C4orf54: variants seen among roughly 807,000 people sequenced by gnomAD.
The protein encoded by C4orf54 is chromosome 4 open reading frame 54, also known as uncharacterized protein C4orf54.
A neutral mutation model predicts 80.1 loss-of-function variants in C4orf54; 67 were observed. That is an observed-to-expected ratio of 0.84 (90% CI 0.69 to 1.03). C4orf54 has a LOEUF of 1.03. C4orf54 is among the 50% of genes least tolerant of loss of function. C4orf54 has a pLI of 0.00. For synonymous variants in C4orf54, 1,000 were observed against 917.0 expected (o/e 1.09, Z -1.64); for missense variants, 2,434 against 2,253.5 (o/e 1.08, Z -1.62).
Position 99,652,459 on chromosome 4 carries a change from A to C in C4orf54, c.2190T>G (p.His730Gln), listed in dbSNP as rs1578275640. 2 of 1,535,794 alleles carry C rather than the reference A, an allele frequency of 1.3e-6. No individual in the cohort carries two copies. Among genetic ancestry groups the C allele is most frequent in the Non-Finnish European group, 1.7e-6 (2 of 1,146,792 alleles). ...VVSKVEGEIK[H>Q]VETPLCFQKQ... ...TCTGGAAACACAGGGGCGTCTCCAC[A>C]TGTTTGATTTCCCCCTCGACTTTGC... is the stretch of plus-strand genomic sequence containing the variant. Residue 730 changes from histidine to glutamine, a missense_variant, in exon 2 of 3, where the codon CAT becomes CAG. By Grantham distance (24) the His-to-Gln change is conservative. Coordinates refer to ENST00000511828, the MANE Select transcript of C4orf54 (RefSeq NM_001354435.2).
Position 99,652,417 on chromosome 4 carries a change from G to C in C4orf54, c.2232C>G (p.Gly744=), listed in dbSNP as rs892115081. ...PLCFQKQVQT[G]SRVVTLLEPL... is the part of the protein sequence containing the mutation. ...GCTCCAAAAGGGTGACGACGCGGGAGCCCGTCTGGACCTGCTTCTGGAAAC... is the reference window on the plus strand; with the variant it reads ...GCTCCAAAAGGGTGACGACGCGGGACCCCGTCTGGACCTGCTTCTGGAAAC... Residue 744 remains glycine, a synonymous_variant, in exon 2 of 3, where the codon GGC becomes GGG. Coordinates refer to ENST00000511828, the MANE Select transcript of C4orf54 (RefSeq NM_001354435.2). 5 of 1,535,988 alleles carry C rather than the reference G, an allele frequency of 3.3e-6. No individual in the cohort carries two copies. In the Admixed American group the frequency reaches 7.8e-5, roughly 24 times the overall value.
Position 99,649,369 on chromosome 4 carries a change from G to T in C4orf54, c.5280C>A (p.Gly1760=). 1 of 1,536,150 alleles carries T rather than the reference G, an allele frequency of 6.5e-7. No homozygotes were observed. Among genetic ancestry groups the T allele is most frequent in the Non-Finnish European group, 8.7e-7 (1 of 1,146,914 alleles). Residue 1760 remains glycine (G), a synonymous_variant, in exon 2 of 3, where the codon GGC becomes GGA. Transcript: ENST00000511828. The part of the protein sequence containing the change: ...LGAKAFAQLH[G]KPVISITSQP... ...GCGAAGTAATGCTGATGACAGGCTT[G>T]CCATGCAGCTGGGCAAAGGCCTTGG...
rs548887994 is a variant in C4orf54, at chr4:99,638,539, T to C, written c.*2694A>G. The C allele has an allele frequency of 6.6e-6, 1 of 152,266 alleles. No individual in the cohort carries two copies. The highest frequency in any genetic ancestry group is 6.5e-5 in the Admixed American group (1 of 15,286). The allele number at this position is 152,266 out of a possible 1,614,324, so 9.4% of individuals were successfully genotyped here. ...CACTATTTAGGAAATGTTTTACTAA[T>C]GGTTTTATAGTAATAAAAAATAAAA... On this transcript the variant is annotated 3_prime_UTR_variant, in exon 3 of 3. Coordinates refer to ENST00000511828, the MANE Select transcript of C4orf54 (RefSeq NM_001354435.2).
chr4:99,655,276 A>C (rs1726960980), intron 1 of C4orf54, among the ~76,000 whole-genome samples: 2 of 152,206 alleles, frequency 1.3e-5, no homozygotes, highest in Non-Finnish European at 2.9e-5. Context: ...TTAACACTTT[A>C]AGCAAACTTT....
In C4orf54 at chr4:99,649,878, CT is replaced by C; in HGVS notation, c.4770del (p.Ala1591ProfsTer26). 2 of 1,530,434 alleles carry C rather than the reference CT, an allele frequency of 1.3e-6. No individual in the cohort carries two copies. Among genetic ancestry groups the C allele is most frequent in the Non-Finnish European group, 1.8e-6 (2 of 1,142,270 alleles). The allele number at this position is 1,530,434 out of a possible 1,614,324, so 94.8% of individuals were successfully genotyped here. ...GGGTCTGTGGGGACGGGAGCTGAGGCTGCAGGTGCTGGGGCAGGCATGCTGG... is the reference window on the plus strand; with the variant it reads ...GGGTCTGTGGGGACGGGAGCTGAGGCGCAGGTGCTGGGGCAGGCATGCTGG... Reference protein sequence around the residue: ...SPPSMPAPAPAASAPVPTDPF... With the variant: ...SPPSMPAPAPXASAPVPTDPF... On this transcript the variant is annotated frameshift_variant, in exon 2 of 3. Transcript: ENST00000511828. LOFTEE classifies it low-confidence loss of function (END_TRUNC).
At position 99,653,880 on chromosome 4, in the gene C4orf54, G is replaced by C. The variant is rs1391401671; in HGVS notation, c.769C>G (p.His257Asp). Residue 257 changes from histidine (H) to aspartate (D), a missense_variant, in exon 2 of 3, where the codon CAC becomes GAC. Transcript: ENST00000511828. The part of the protein sequence containing the change: ...PASSQLSRSQ[H>D]SASEEGGNFS... ...TTGCCACCCTCTTCAGAGGCAGAGT[G>C]CTGGGATCTAGAGAGTTGGGAGGAG... 3.3e-6 allele frequency: 5 copies of C among 1,536,320 alleles called. 1 individual carries two copies. In the South Asian group the frequency reaches 5.9e-5, roughly 18 times the overall value.
intron 2 of C4orf54, among the ~76,000 whole-genome samples, chr4:99,645,827 G>A (rs539128192): frequency 1.3e-5 from 2 of 152,308 alleles, no homozygotes; most frequent in South Asian, 2.1e-4. Context: ...GTTGCAATTG[G>A]ATTACTGCTG....
rs145268915 is a variant in C4orf54 at position 99,652,426 on chromosome 4, G to A, written c.2223C>T (p.Val741=). The A allele has an allele frequency of 9.2e-4, 1,409 of 1,536,040 alleles. 11 individuals carry two copies. In the African/African-American group the frequency reaches 0.018, roughly 19 times the overall value. The stretch of plus-strand genomic sequence containing the variant: ...GGGTGACGACGCGGGAGCCCGTCTG[G>A]ACCTGCTTCTGGAAACACAGGGGCG... ...VETPLCFQKQ[V]QTGSRVVTLL... is the part of the protein sequence containing the mutation. The change falls in exon 2 of 3, where the codon GTC becomes GTT. Residue 741 remains valine (V), a synonymous_variant. Coordinates refer to ENST00000511828, the MANE Select transcript of C4orf54 (RefSeq NM_001354435.2).
rs750986760 is a variant in C4orf54 at position 99,651,397 on chromosome 4, C to T, written c.3252G>A (p.Val1084=). 3 of 1,536,242 alleles carry T rather than the reference C, an allele frequency of 2.0e-6. No homozygotes were observed. The highest frequency in any genetic ancestry group is 1.7e-6 in the Non-Finnish European group (2 of 1,146,920). The change falls in exon 2 of 3, where the codon GTG becomes GTA. Residue 1084 remains valine, a synonymous_variant. Transcript: ENST00000511828. Reference sequence around the variant, plus strand: ...TGATGTCTCTCACCTGGAAATGGGGCACTTTTTCTAGGTTGTCCCCGCGGA... The same window carrying T: ...TGATGTCTCTCACCTGGAAATGGGGTACTTTTTCTAGGTTGTCCCCGCGGA... The part of the protein sequence containing the change: ...KLFRGDNLEK[V]PHFQVRDIRD...
rs949573622 is a variant in C4orf54 at position 99,651,144 on chromosome 4, C to T, written c.3505G>A (p.Glu1169Lys). ...VNQREDSMDR[E>K]PRESMGKGGG... ...CCTTTGCCCATGCTTTCCCTGGGCTCTCGGTCCATGCTGTCTTCCCTCTGG... is the reference window on the plus strand; with the variant it reads ...CCTTTGCCCATGCTTTCCCTGGGCTTTCGGTCCATGCTGTCTTCCCTCTGG... Residue 1169 changes from glutamate (E) to lysine (K), a missense_variant, in exon 2 of 3, where the codon GAG (glutamate) becomes AAG (lysine). Glu to Lys is a moderately conservative substitution (Grantham distance 56, BLOSUM62 1). Coordinates refer to ENST00000511828, the MANE Select transcript of C4orf54 (RefSeq NM_001354435.2). 2.6e-6 allele frequency: 4 copies of T among 1,536,182 alleles called. No homozygotes were observed. In the Admixed American group the frequency reaches 5.9e-5, roughly 23 times the overall value.
Position 99,652,866 on chromosome 4 carries a change from C to T in C4orf54, c.1783G>A (p.Gly595Arg), listed in dbSNP as rs1034287647. Reference protein sequence around the residue: ...AVPARLQTRCGAIRAKELVDY... With the variant: ...AVPARLQTRCRAIRAKELVDY... Reference sequence around the variant, plus strand: ...ACCAGCTCCTTCGCCCGGATGGCCCCGCACCTGGTTTGCAGGCGAGCAGGT... The same window carrying T: ...ACCAGCTCCTTCGCCCGGATGGCCCTGCACCTGGTTTGCAGGCGAGCAGGT... Residue 595 changes from glycine (G) to arginine (R), a missense_variant, in exon 2 of 3, where the codon GGG becomes AGG. Coordinates refer to ENST00000511828, the MANE Select transcript of C4orf54 (RefSeq NM_001354435.2). 203 of 1,535,990 alleles carry T rather than the reference C, an allele frequency of 1.3e-4. No individual in the cohort carries two copies. Among genetic ancestry groups the T allele is most frequent in the Non-Finnish European group, 1.6e-4 (185 of 1,146,906 alleles).
Position 99,649,621 on chromosome 4 carries a change from G to C in C4orf54, c.5028C>G (p.Tyr1676Ter), listed in dbSNP as rs2110251992. The C allele has an allele frequency of 1.3e-6, 2 of 1,536,192 alleles. No individual in the cohort carries two copies. The highest frequency in any genetic ancestry group is 2.4e-5 in the East Asian group (1 of 40,924). Residue 1676 changes from tyrosine (Y) to a stop codon, truncating the protein, a stop_gained, in exon 2 of 3, where the codon TAC becomes TAG. Coordinates refer to ENST00000511828, the MANE Select transcript of C4orf54 (RefSeq NM_001354435.2). LOFTEE classifies it low-confidence loss of function (END_TRUNC). ...TAGGCAGAAACCCAGGGTAAATCATGTAGGTGGGTCCATAAGCCCCAGGAC... is the reference window on the plus strand; with the variant it reads ...TAGGCAGAAACCCAGGGTAAATCATCTAGGTGGGTCCATAAGCCCCAGGAC... ...ALSPGAYGPTYMIYPGFLPTV... is the reference protein window; with the variant it reads ...ALSPGAYGPT
Position 99,651,397 on chromosome 4 carries a change from C to A in C4orf54, c.3252G>T (p.Val1084=). 1 of 1,536,242 alleles carries A rather than the reference C, an allele frequency of 6.5e-7. No individual in the cohort carries two copies. The highest frequency in any genetic ancestry group is 8.7e-7 in the Non-Finnish European group (1 of 1,146,920). The change falls in exon 2 of 3, where the codon GTG becomes GTT. Residue 1084 remains valine (V), a synonymous_variant. Coordinates refer to ENST00000511828, the MANE Select transcript of C4orf54 (RefSeq NM_001354435.2). ...KLFRGDNLEK[V]PHFQVRDIRD... ...TGATGTCTCTCACCTGGAAATGGGG[C>A]ACTTTTTCTAGGTTGTCCCCGCGGA...
Position 99,637,915 on chromosome 4 carries a change from G to A in C4orf54, c.*3318C>T, listed in dbSNP as rs776673272. 2.0e-5 allele frequency: 3 copies of A among 152,098 alleles called. No individual in the cohort carries two copies. The highest frequency in any genetic ancestry group is 4.4e-5 in the Non-Finnish European group (3 of 68,012). The allele number at this position is 152,098 out of a possible 1,614,324, so 9.4% of individuals were successfully genotyped here. A position where few individuals can be genotyped will look rare whatever the true frequency, so the allele number is the denominator to read the frequency against. On this transcript the variant is annotated 3_prime_UTR_variant, in exon 3 of 3. Transcript: ENST00000511828. ...TATACATACTTATCATGAGATTATA[G>A]TCAATCTACTTAGGAATCAATACTG...
intron 2 of C4orf54, among the ~76,000 whole-genome samples, chr4:99,643,739 A>AACACACACACACACACAC (rs754039570): frequency 1.5e-4 from 15 of 98,934 alleles, no homozygotes; most frequent in Admixed American, 4.2e-4. Context: ...CCCAAGCCAC[A>AACACACACACACACACAC]ACACACACAC....
rs1197686452 is a variant in C4orf54 at position 99,649,835 on chromosome 4, G to A, written c.4814C>T (p.Pro1605Leu). 1 of 1,534,794 alleles carries A rather than the reference G, an allele frequency of 6.5e-7. No individual in the cohort carries two copies. Residue 1605 changes from proline to leucine, a missense_variant, in exon 2 of 3, where the codon CCT (proline) becomes CTT (leucine). Physicochemically the swap from Pro to Leu is moderately conservative, Grantham distance 98. Coordinates refer to ENST00000511828, the MANE Select transcript of C4orf54 (RefSeq NM_001354435.2). ...GAGCATCTTACGCTGGGTCTGTTGAGGCTGTGCCTGCTGGAAGGGGTCTGT... is the reference window on the plus strand; with the variant it reads ...GAGCATCTTACGCTGGGTCTGTTGAAGCTGTGCCTGCTGGAAGGGGTCTGT... ...VPTDPFQQAQ[P>L]QQTQRKMLLD...
intron 2 of C4orf54, among the ~76,000 whole-genome samples, chr4:99,642,047 G>A (rs751934241): frequency 7.2e-5 from 11 of 152,024 alleles, no homozygotes; most frequent in Non-Finnish European, 1.6e-4. Context: ...GTTTAAATAT[G>A]TGTTTTAAAA....
In C4orf54 at chr4:99,652,250, G is replaced by A. The variant is rs1269957860; in HGVS notation, c.2399C>T (p.Ala800Val). The A allele has an allele frequency of 1.3e-6, 2 of 1,535,760 alleles. No individual in the cohort carries two copies. The highest frequency in any genetic ancestry group is 2.4e-5 in the South Asian group (2 of 84,058). The change falls in exon 2 of 3, where the codon GCC (alanine) becomes GTC (valine). Residue 800 changes from alanine (A) to valine (V), a missense_variant. Coordinates refer to ENST00000511828, the MANE Select transcript of C4orf54 (RefSeq NM_001354435.2). ...TSEGSKPTSR[A>V]DGPQKSKFAS... is the part of the protein sequence containing the mutation. ...GAACTTGGACTTCTGGGGGCCATCG[G>A]CGCGGGAGGTGGGCTTGCTGCCCTC...
chr4:99,643,783 CA>C lies in C4orf54; in HGVS notation c.*37-2588del, dbSNP rs771874064. Among the ~76,000 whole-genome samples, 86 of 141,958 alleles carry C rather than the reference CA, an allele frequency of 6.1e-4. 1 individual carries two copies. Among genetic ancestry groups the C allele is most frequent in the Non-Finnish European group, 9.3e-4 (61 of 65,734 alleles). The allele number at this position is 141,958 out of a possible 152,430, so 93.1% of individuals were successfully genotyped here. A position where few individuals can be genotyped will look rare whatever the true frequency, so the allele number is the denominator to read the frequency against. ...ACACACACACACACACACACACACA[CA>C]CACACACACCCCCTCCGCGGCAGTA... On this transcript the variant is annotated intron_variant, in intron 2 of 2. Coordinates refer to ENST00000511828, the MANE Select transcript of C4orf54 (RefSeq NM_001354435.2).
Sources: gnomAD v4.1 joint callset for allele counts (sites outside exome capture counted in the v4.1 genomes callset) on GRCh38, gnomAD v4.1.1 for gene constraint, MANE v1.5 for transcripts, NCBI Gene and HGNC (gene_info 2026-07-23, HGNC 2026-07-21) for gene names.